Variants in GYS2 observed in about 807,000 individuals in gnomAD.
GYS2 encodes the protein glycogen synthase 2.
In GYS2, 80 loss-of-function variants were observed where a neutral mutation model predicts 85.6. The ratio of observed to expected loss-of-function variants is 0.93; its 90% CI spans 0.78 to 1.13. The LOEUF is 1.13. Ranked by LOEUF, GYS2 falls within the 50% of genes most tolerant of loss-of-function variation. GYS2 has a pLI of 0.00. For missense variants in GYS2, 881 were observed against 854.9 expected (o/e 1.03, Z -0.38); for synonymous variants, 328 against 300.7 (o/e 1.09, Z -0.94).
chr12:21,549,375 T>G (rs374978653), intron 11 of GYS2, among the ~76,000 whole-genome samples: 3 of 152,212 alleles, frequency 2.0e-5, no homozygotes, highest in African/African-American at 7.2e-5. Flanking sequence ...ATTCATAAAC[T>G]GTACTGTGGG....
chr12:21,576,097 C>T, intron 2 of GYS2, 40 bp from the exon 3 acceptor site: 3 of 1,498,652 alleles, frequency 2.0e-6, no homozygotes, highest in Non-Finnish European at 2.8e-6. Flanking sequence ...GATATTAAGT[C>T]ATGCAAGACA....
rs746798954 is a variant in GYS2 at position 21,537,091 on chromosome 12, C to T, written c.1975G>A (p.Val659Met). The T allele has an allele frequency of 1.2e-6, 2 of 1,613,874 alleles. No homozygotes were observed. The highest frequency in any genetic ancestry group is 3.3e-5 in the Admixed American group (2 of 59,992). ...SQASSPQSSDVEDEVEDERYD... is the reference protein window; with the variant it reads ...SQASSPQSSDMEDEVEDERYD... ...CTCTCATCCTCCACTTCATCTTCCA[C>T]ATCACTGCTCTGAGGACTGGAGGCC... The change falls in exon 16 of 16, where the codon GTG becomes ATG. Residue 659 changes from valine (V) to methionine (M), a missense_variant. By Grantham distance (21) the Val-to-Met change is conservative. Transcript: ENST00000261195.
intron 5 of GYS2, among the ~76,000 whole-genome samples, 167 bp from the exon 6 acceptor site, chr12:21,563,512 A>T (rs1944281080): frequency 1.3e-5 from 2 of 152,348 alleles, no homozygotes; most frequent in African/African-American, 4.8e-5. Flanking sequence ...AAAAATTCAT[A>T]AAAATTCGCA....
chr12:21,572,282 A>C (rs372049025), intron 4 of GYS2, among the ~76,000 whole-genome samples: 127 of 152,258 alleles, frequency 8.3e-4, no homozygotes, highest in African/African-American at 2.9e-3. Context: ...AATCGTTCTA[A>C]TCTTTCTGAT....
At chr12:21,568,573 C>T (rs1203112592) in intron 5 of GYS2, among the ~76,000 whole-genome samples, 1 of 152,232 alleles carries the variant, frequency 6.6e-6, no homozygotes, top group Admixed American at 6.5e-5. Context: ...GTCAACCGAA[C>T]TTCCTTACAC....
intron 1 of GYS2, among the ~76,000 whole-genome samples, chr12:21,603,785 G>A (rs1249153837): frequency 6.6e-6 from 1 of 152,064 alleles, no homozygotes; most frequent in East Asian, 1.9e-4. Flanking sequence ...TAATTTTACA[G>A]ATGTCTTTAT....
chr12:21,588,451 A>G (rs1034701966), intron 1 of GYS2, among the ~76,000 whole-genome samples: 30 of 152,194 alleles, frequency 2.0e-4, no homozygotes, highest in African/African-American at 7.2e-4. Context: ...ATGCTATTAT[A>G]TGGTACCAAT....
rs369069984 is a variant in GYS2, at chr12:21,540,474, C to T, written c.1745G>A (p.Arg582Lys). 1.1e-4 allele frequency: 171 copies of T among 1,613,908 alleles called. No homozygotes were observed. Among genetic ancestry groups the T allele is most frequent in the Non-Finnish European group, 1.4e-4 (168 of 1,179,962 alleles). Residue 582 changes from arginine to lysine, a missense_variant, in exon 14 of 16, where the codon AGG becomes AAG. Physicochemically the swap from Arg to Lys is conservative, Grantham distance 26. Transcript: ENST00000261195. The stretch of plus-strand genomic sequence containing the variant: ...CTCAGTTCTGTTCCTCTGGATAATC[C>T]TTTGGCGGCGTGACTGTTTGCAAAA... Reference protein sequence around the residue: ...YGFCKQSRRQRIIQRNRTERL... With the variant: ...YGFCKQSRRQKIIQRNRTERL...
intron 5 of GYS2, among the ~76,000 whole-genome samples, chr12:21,564,139 T>C (rs1008352341): frequency 1.3e-5 from 2 of 152,130 alleles, no homozygotes; most frequent in African/African-American, 4.8e-5. Context: ...TTATCAGATT[T>C]AGCAGCATAA....
chr12:21,556,850 A>G (rs1166478996), intron 11 of GYS2, among the ~76,000 whole-genome samples: 2 of 152,214 alleles, frequency 1.3e-5, no homozygotes, highest in Non-Finnish European at 2.9e-5. Context: ...AAAAACATCA[A>G]AGGGAAAGAG....
chr12:21,542,301 C>T (rs923867135), intron 13 of GYS2, among the ~76,000 whole-genome samples, 195 bp downstream of exon 13: 4 of 152,178 alleles, frequency 2.6e-5, no homozygotes, highest in African/African-American at 9.7e-5. Flanking sequence ...CCACCCACCT[C>T]GGCCTCCCAA....
At chr12:21,592,495 T>C (rs1944651120) in intron 1 of GYS2, among the ~76,000 whole-genome samples, 1 of 152,036 alleles carries the variant, frequency 6.6e-6, no homozygotes, top group Non-Finnish European at 1.5e-5. Context: ...AAAGTAGTTA[T>C]ACCTATAACA....
intron 11 of GYS2, among the ~76,000 whole-genome samples, chr12:21,556,195 G>A (rs1236755158): frequency 6.6e-6 from 1 of 150,936 alleles, no homozygotes; most frequent in Non-Finnish European, 1.5e-5. Context: ...TGTGTTTTTT[G>A]TGAGGCGGAG....
intron 11 of GYS2, among the ~76,000 whole-genome samples, chr12:21,550,957 G>A (rs1039069487): frequency 2.0e-5 from 3 of 151,942 alleles, no homozygotes; most frequent in African/African-American, 7.3e-5. Context: ...CAGAGAAAGA[G>A]AGAAAGAAGA....
intron 4 of GYS2, among the ~76,000 whole-genome samples, chr12:21,573,582 C>G (rs570709778): frequency 3.3e-5 from 5 of 152,146 alleles, no homozygotes; most frequent in Non-Finnish European, 7.3e-5. Flanking sequence ...CACCAAGGAC[C>G]CATATCCCTG....
At position 21,540,530 on chromosome 12, in the gene GYS2, A is replaced by G; in HGVS notation, c.1689T>C (p.Ser563=). 1.9e-6 allele frequency: 3 copies of G among 1,613,694 alleles called. No individual in the cohort carries two copies. Among genetic ancestry groups the G allele is most frequent in the Middle Eastern group, 1.6e-4 (1 of 6,062 alleles). The part of the protein sequence containing the change: ...VDRRFRSPDD[S]CNQLTKFLYG... ...AGAGAAACTTAGTCAGCTGATTGCA[A>G]GAATCATCTGGAGAACGGAACCGCC... is the stretch of plus-strand genomic sequence containing the variant. Residue 563 remains serine (S), a synonymous_variant, in exon 14 of 16, where the codon TCT becomes TCC. Coordinates refer to ENST00000261195, the MANE Select transcript of GYS2 (RefSeq NM_021957.4).
At chr12:21,602,563 T>C (rs1008028477) in intron 1 of GYS2, among the ~76,000 whole-genome samples, 1 of 152,044 alleles carries the variant, frequency 6.6e-6, no homozygotes, top group Non-Finnish European at 1.5e-5. Context: ...TAAAGATACA[T>C]TGAAGATGAT....
At chr12:21,561,933 G>T (rs767522640) in intron 7 of GYS2, among the ~76,000 whole-genome samples, 4 of 152,210 alleles carry the variant, frequency 2.6e-5, no homozygotes, top group Non-Finnish European at 4.4e-5. Context: ...CAGAACTCAG[G>T]AAAGTTTAGA....
downstream of GYS2, among the ~76,000 whole-genome samples, chr12:21,533,453 C>T (rs757258033): frequency 2.6e-5 from 4 of 152,180 alleles, no homozygotes; most frequent in Non-Finnish European, 5.9e-5. Flanking sequence ...AATGTAACTT[C>T]ATTCTGTTCG....
Sources: allele counts gnomAD v4.1 joint callset (sites outside exome capture counted in the v4.1 genomes callset), GRCh38; gene constraint gnomAD v4.1.1; transcripts MANE v1.5; gene names NCBI Gene and HGNC (gene_info 2026-07-23, HGNC 2026-07-21).